CDH12: variants seen among roughly 807,000 people sequenced by gnomAD.
CDH12 encodes the protein cadherin-12.
In CDH12, 41 loss-of-function variants were observed where a neutral mutation model predicts 74.1. The ratio of observed to expected loss-of-function variants is 0.55; its 90% CI spans 0.43 to 0.72. CDH12 has a LOEUF of 0.72. CDH12 is among the 30% of genes least tolerant of loss of function. CDH12 has a pLI of 0.00. For missense variants in CDH12, 945 were observed against 977.2 expected (o/e 0.97, Z 0.44); for synonymous variants, 399 against 355.0 (o/e 1.12, Z -1.39).
rs56761758 is a variant in CDH12 at position 22,023,562 on chromosome 5, A to C, written c.232-48177T>G. On this transcript the variant is annotated intron_variant, in intron 5 of 14. Coordinates refer to ENST00000382254, the MANE Select transcript of CDH12 (RefSeq NM_004061.5). ...TCTGTATTTGTATATATATATACAC[A>C]CGAATATTCTCTCTCTCTATATATA... is the stretch of plus-strand genomic sequence containing the variant. 4.6e-3 allele frequency among the ~76,000 whole-genome samples: 692 copies of C among 151,462 alleles called. 8 individuals are homozygous for C. Among genetic ancestry groups the C allele is most frequent in the African/African-American group, 0.016 (663 of 41,024 alleles).
intron 2 of CDH12, among the ~76,000 whole-genome samples, chr5:22,415,905 CAAT>C (rs1743363267): frequency 4.0e-5 from 6 of 149,024 alleles, no homozygotes; most frequent in African/African-American, 1.5e-4. Context: ...CCAAACAAAA[CAAT>C]AAAAAAAAAA....
chr5:22,590,412 A>T (rs2126798326), intron 1 of CDH12, among the ~76,000 whole-genome samples: 1 of 152,298 alleles, frequency 6.6e-6, no homozygotes, highest in Admixed American at 6.5e-5. Flanking sequence ...TTAAAAAAAC[A>T]TGTAAAGTCT....
chr5:21,953,623 T>C (rs1188275481), intron 6 of CDH12, among the ~76,000 whole-genome samples: 1 of 152,164 alleles, frequency 6.6e-6, no homozygotes, highest in Non-Finnish European at 1.5e-5. Flanking sequence ...TCTCCACTCT[T>C]TGTTTCCAAT....
chr5:22,324,603 A>C (rs1459364305), intron 3 of CDH12, among the ~76,000 whole-genome samples: 1 of 151,668 alleles, frequency 6.6e-6, no homozygotes, highest in South Asian at 2.1e-4. Context: ...ATAACCAAAT[A>C]TTTTATTATT....
rs187093843 is a variant in CDH12 at position 22,762,013 on chromosome 5, C to A, written c.-523+91045G>T. Among the ~76,000 whole-genome samples, 81 of 151,862 alleles carry A rather than the reference C, an allele frequency of 5.3e-4. 1 individual carries two copies. The highest frequency in any genetic ancestry group is 1.0e-3 in the Non-Finnish European group (71 of 67,900). On this transcript the variant is annotated intron_variant, in intron 1 of 14. Transcript: ENST00000382254. ...CAATGGTATAAAGAAAGATTATGAA[C>A]TTCAAAGTCATAGTTTCCCAGAGAG...
At chr5:22,175,977 A>G (rs1408659752) in intron 4 of CDH12, among the ~76,000 whole-genome samples, 1 of 130,224 alleles carries the variant, frequency 7.7e-6, no homozygotes, top group African/African-American at 2.9e-5. Flanking sequence ...TGTGTAGATC[A>G]TTATAGGGCT....
intron 13 of CDH12, among the ~76,000 whole-genome samples, chr5:21,757,709 T>C (rs1270311086): frequency 1.3e-5 from 2 of 152,168 alleles, no homozygotes; most frequent in Non-Finnish European, 2.9e-5. Context: ...TTAACATGAT[T>C]AATCTGAAAT....
At chr5:22,815,314 T>C (rs1749333908) in intron 1 of CDH12, among the ~76,000 whole-genome samples, 1 of 152,234 alleles carries the variant, frequency 6.6e-6, no homozygotes, top group Non-Finnish European at 1.5e-5. Context: ...TCGTATCTAT[T>C]ACCCGAGAGG....
chr5:22,405,658 C>T (rs886235367), intron 2 of CDH12, among the ~76,000 whole-genome samples: 3 of 152,146 alleles, frequency 2.0e-5, no homozygotes, highest in African/African-American at 4.8e-5. Context: ...AATCATTCAA[C>T]GTGACTTAAT....
At chr5:21,803,190 C>T (rs1747235743) in intron 9 of CDH12, among the ~76,000 whole-genome samples, 1 of 151,866 alleles carries the variant, frequency 6.6e-6, no homozygotes, top group Non-Finnish European at 1.5e-5. Context: ...AAAAGTGGTC[C>T]CATGAAAACT....
At chr5:22,463,406 T>C (rs1180536699) in intron 2 of CDH12, among the ~76,000 whole-genome samples, 1 of 152,168 alleles carries the variant, frequency 6.6e-6, no homozygotes, top group East Asian at 1.9e-4. Flanking sequence ...AAAAATGTTT[T>C]ATAATATGGG....
intron 6 of CDH12, among the ~76,000 whole-genome samples, chr5:21,907,750 A>G (rs1391869636): frequency 6.6e-6 from 1 of 152,164 alleles, no homozygotes; most frequent in African/African-American, 2.4e-5. Context: ...TCATTTTTAC[A>G]TTTTAGTAGC....
chr5:22,127,983 T>C (rs1477524964), intron 4 of CDH12, among the ~76,000 whole-genome samples: 1 of 151,896 alleles, frequency 6.6e-6, no homozygotes, highest in Admixed American at 6.6e-5. Flanking sequence ...AAATGTGTAA[T>C]ATGCTATCTC....
intron 3 of CDH12, among the ~76,000 whole-genome samples, chr5:22,401,329 C>T (rs996053291): frequency 5.9e-5 from 9 of 152,074 alleles, no homozygotes; most frequent in South Asian, 4.1e-4. Context: ...TTTACTGTAC[C>T]TACTTTTTAT....
intron 3 of CDH12, among the ~76,000 whole-genome samples, chr5:22,242,607 T>C (rs1422772152): frequency 6.6e-6 from 1 of 152,200 alleles, no homozygotes; most frequent in African/African-American, 2.4e-5. Flanking sequence ...CAGCTGGCTT[T>C]CTAGCAGAAG....
intron 8 of CDH12, among the ~76,000 whole-genome samples, chr5:21,819,445 G>A (rs911676104): frequency 6.6e-6 from 1 of 151,934 alleles, no homozygotes; most frequent in Admixed American, 6.6e-5. Context: ...ATGGAAATAC[G>A]ATTTATCAGA....
chr5:22,262,275 C>A (rs1314488632), intron 3 of CDH12, among the ~76,000 whole-genome samples: 1 of 121,488 alleles, frequency 8.2e-6, no homozygotes, highest in Non-Finnish European at 1.7e-5. Flanking sequence ...CCCCTCCCCC[C>A]ACCCCACAAC....
intron 1 of CDH12, among the ~76,000 whole-genome samples, chr5:22,690,226 G>C (rs1433132313): frequency 6.6e-6 from 1 of 151,994 alleles, no homozygotes; most frequent in East Asian, 1.9e-4. Flanking sequence ...TTGTCTTTTT[G>C]CTTTCCTTGG....
chr5:22,794,967 G>T (rs1748112973), intron 1 of CDH12, among the ~76,000 whole-genome samples: 1 of 152,004 alleles, frequency 6.6e-6, no homozygotes, highest in Non-Finnish European at 1.5e-5. Context: ...ATATATATAT[G>T]TCAATATCTG....
Sources: allele counts gnomAD v4.1 joint callset (sites outside exome capture counted in the v4.1 genomes callset), GRCh38; gene constraint gnomAD v4.1.1; transcripts MANE v1.5; gene names NCBI Gene and HGNC (gene_info 2026-07-23, HGNC 2026-07-21).